Variants in PCDH15 observed in about 807,000 individuals in gnomAD.
PCDH15 encodes protocadherin-15.
A neutral mutation model predicts 178.5 loss-of-function variants in PCDH15; 129 were observed. The ratio of observed to expected loss-of-function variants is 0.72; its 90% confidence interval spans 0.63 to 0.84. The LOEUF (loss-of-function observed/expected upper bound fraction) is 0.84, where lower values mean the gene tolerates loss of function less well. Among genes scored for constraint, PCDH15 ranks in the 40% least tolerant of loss-of-function variants. PCDH15 has a pLI of 0.00. For synonymous variants in PCDH15, 800 were observed against 732.0 expected, an observed-to-expected ratio of 1.09 and a Z score of -1.50; for missense variants, 2,230 against 2,099.9, an observed-to-expected ratio of 1.06 and a Z score of -1.21.
At chr10:54,707,845 C>T (rs988736991) in intron 1 of PCDH15, among the ~76,000 whole-genome samples, 2 of 151,984 alleles carry the variant, frequency 1.3e-5, no homozygotes, top group Non-Finnish European at 2.9e-5. Context: ...AATAAAGAAA[C>T]CCATAAAGAG....
At chr10:54,562,131 C>T (rs1315256785) in intron 2 of PCDH15, among the ~76,000 whole-genome samples, 1 of 151,754 alleles carries the variant, frequency 6.6e-6, no homozygotes, top group Non-Finnish European at 1.5e-5. Context: ...GCTGTGAATA[C>T]AGGCGCCTAC....
At chr10:54,671,388 T>G (rs2094668026) in intron 1 of PCDH15, among the ~76,000 whole-genome samples, 1 of 152,102 alleles carries the variant, frequency 6.6e-6, no homozygotes, top group East Asian at 1.9e-4. Context: ...ATTAAGTCAG[T>G]CAACAGAGAC....
chr10:54,335,295 A>G (rs1409631883), intron 6 of PCDH15, among the ~76,000 whole-genome samples: 3 of 152,196 alleles, frequency 2.0e-5, no homozygotes, highest in Admixed American at 2.0e-4. Context: ...ACTCCCTATG[A>G]CTAACTGAAG....
intron 25 of PCDH15, among the ~76,000 whole-genome samples, chr10:53,937,305 T>C (rs2085664945): frequency 1.3e-5 from 2 of 152,192 alleles, no homozygotes; most frequent in African/African-American, 4.8e-5. Context: ...AACTGTTCAT[T>C]TGTTTCAAGG....
chr10:55,341,571 AT>A (rs1844556840), intron 2 of PCDH15, among the ~76,000 whole-genome samples: 2 of 135,762 alleles, frequency 1.5e-5, no homozygotes, highest in East Asian at 2.2e-4. Flanking sequence ...CTAGATTAGC[AT>A]CCTTTTTTTT....
chr10:53,894,271 A>G (rs1394609135), intron 26 of PCDH15, among the ~76,000 whole-genome samples: 1 of 152,198 alleles, frequency 6.6e-6, no homozygotes, highest in Non-Finnish European at 1.5e-5. Flanking sequence ...ATAGTCAAGA[A>G]GGCAATGCAC....
chr10:54,364,209 GAA>G (rs34783984), intron 5 of PCDH15, among the ~76,000 whole-genome samples: 27,625 of 140,638 alleles, frequency 0.2, 2,731 homozygotes, highest in African/African-American at 0.25. Context: ...GCAAAACTCT[GAA>G]AAAAAAAAAA....
chr10:54,148,400 C>T (rs2044194888), intron 14 of PCDH15, among the ~76,000 whole-genome samples: 1 of 151,990 alleles, frequency 6.6e-6, no homozygotes, highest in African/African-American at 2.4e-5. Flanking sequence ...GTCTCATACA[C>T]TTTAAATCAT....
chr10:54,561,531 G>A (rs772627513), intron 2 of PCDH15, among the ~76,000 whole-genome samples: 1 of 152,038 alleles, frequency 6.6e-6, no homozygotes, highest in Non-Finnish European at 1.5e-5. Flanking sequence ...GTTTTCTTTT[G>A]TTGGTTTTCC....
intron 2 of PCDH15, among the ~76,000 whole-genome samples, chr10:54,934,188 G>C (rs1196409649): frequency 1.3e-5 from 2 of 151,986 alleles, no homozygotes; most frequent in Admixed American, 1.3e-4. Context: ...CCTATTGTCT[G>C]TTCTTTATTT....
At chr10:54,467,601 G>GTTTTTTTTTTTTTTTTTTT (rs67776985) in intron 3 of PCDH15, among the ~76,000 whole-genome samples, 1 of 45,698 alleles carries the variant, frequency 2.2e-5, no homozygotes, top group Non-Finnish European at 3.9e-5. Context: ...TCAAGCTGTA[G>GTTTTTTTTTTTTTTTTTTT]TTTTTTTTTT....
At chr10:54,452,267 C>G (rs1431822892) in intron 3 of PCDH15, among the ~76,000 whole-genome samples, 2 of 152,026 alleles carry the variant, frequency 1.3e-5, no homozygotes, top group Middle Eastern at 3.4e-3. Flanking sequence ...TGCTTCTCCT[C>G]CATGCTACAC....
At chr10:55,231,795 GAAAT>G (rs1841232235) in intron 1 of PCDH15, among the ~76,000 whole-genome samples, 1 of 151,778 alleles carries the variant, frequency 6.6e-6, no homozygotes, top group South Asian at 2.1e-4. Context: ...TGACATCTTT[GAAAT>G]AAATAAATCT....
chr10:54,895,778 C>A (rs1245482966), intron 3 of PCDH15, among the ~76,000 whole-genome samples: 1 of 152,134 alleles, frequency 6.6e-6, no homozygotes, highest in Admixed American at 6.6e-5. Flanking sequence ...CTAAAAAGAA[C>A]AAGCTGAATC....
intron 8 of PCDH15, among the ~76,000 whole-genome samples, chr10:54,246,666 T>G (rs1023518252): frequency 3.9e-5 from 6 of 151,922 alleles, no homozygotes; most frequent in Non-Finnish European, 8.8e-5. Context: ...TATGTCTTCT[T>G]ACTGATATGA....
At chr10:55,436,038 TA>T (rs1839030915) in intron 2 of PCDH15, among the ~76,000 whole-genome samples, 2 of 152,126 alleles carry the variant, frequency 1.3e-5, no homozygotes, top group Non-Finnish European at 2.9e-5. Flanking sequence ...TTTACTTACT[TA>T]TATATGTGTT....
intron 25 of PCDH15, among the ~76,000 whole-genome samples, chr10:53,918,209 G>C (rs1284918614): frequency 1.3e-5 from 2 of 152,094 alleles, no homozygotes; most frequent in Non-Finnish European, 2.9e-5. Flanking sequence ...CTCTACATTA[G>C]ACATTTTACT....
rs187958423 is a variant in PCDH15 at position 55,505,849 on chromosome 10, A to G, written c.-156+121776T>C. ...TCTTAAGAGAATTCTGTCCTGTAGGAAGACTTCCTTGAGGAAGTGACATTT... is the reference window on the plus strand; with the variant it reads ...TCTTAAGAGAATTCTGTCCTGTAGGGAGACTTCCTTGAGGAAGTGACATTT... On this transcript the variant is annotated intron_variant, in intron 2 of 5. Transcript: ENST00000613346. Among the ~76,000 whole-genome samples the G allele has an allele frequency of 1.2e-3, 184 of 151,548 alleles. 2 individuals carry two copies. The highest frequency in any genetic ancestry group is 4.2e-3 in the African/African-American group (174 of 41,466).
chr10:55,363,782 T>G (rs978522822), intron 2 of PCDH15, among the ~76,000 whole-genome samples: 1 of 152,076 alleles, frequency 6.6e-6, no homozygotes, highest in African/African-American at 2.4e-5. Flanking sequence ...ATTACAGGCA[T>G]GCACCACCAC....
Sources: allele counts gnomAD v4.1 joint callset (sites outside exome capture counted in the v4.1 genomes callset), GRCh38; gene constraint gnomAD v4.1.1; transcripts MANE v1.5; gene names NCBI Gene and HGNC (gene_info 2026-07-23, HGNC 2026-07-21).